Variants in SLC16A7 observed in about 807,000 individuals in gnomAD.
SLC16A7 encodes the protein monocarboxylate transporter 2.
In SLC16A7, 33 loss-of-function variants were observed where a neutral mutation model predicts 34.9. The ratio of observed to expected loss-of-function variants is 0.94; its 90% CI spans 0.72 to 1.26. The LOEUF is 1.26. Ranked by LOEUF, SLC16A7 falls within the 50% of genes most tolerant of loss-of-function variation. The pLI is 0.00. For synonymous variants in SLC16A7, 201 were observed against 206.6 expected (o/e 0.97, Z 0.23); for missense variants, 573 against 578.1 (o/e 0.99, Z 0.09).
At chr12:59,625,322 C>T (rs563249735) in intron 1 of SLC16A7, among the ~76,000 whole-genome samples, 1 of 151,826 alleles carries the variant, frequency 6.6e-6, no homozygotes, top group Admixed American at 6.6e-5. Context: ...TCAACTGATG[C>T]AGTCTCTCTG....
intron 2 of SLC16A7, among the ~76,000 whole-genome samples, chr12:59,685,390 G>T (rs1871075979): frequency 6.6e-6 from 1 of 152,106 alleles, no homozygotes. Context: ...TTTCAGCTTT[G>T]CCTCTTACAT....
At chr12:59,779,304 G>A in intron 5 of SLC16A7, 119 bp from the exon 6 acceptor site, 1 of 770,050 alleles carries the variant, frequency 1.3e-6, no homozygotes, top group Non-Finnish European at 2.0e-6. Flanking sequence ...TATTTTTAAA[G>A]TCTTATTTGA....
In SLC16A7 at chr12:59,783,830, TTTTTGTTTTGTTTTG is replaced by T. The variant is rs560910245; in HGVS notation, c.*4166_*4180del. 2 of 152,230 alleles carry T rather than the reference TTTTTGTTTTGTTTTG, an allele frequency of 1.3e-5. No individual in the cohort carries two copies. The highest frequency in any genetic ancestry group is 6.6e-5 in the Admixed American group (1 of 15,264). 9.4% of individuals were successfully genotyped at this position (152,230 alleles called of 1,614,324 possible). ...CCATGCCCGGCTAATTTTGTGGCTTTTTTTGTTTTGTTTTGTTTTGTTTTGTTTTAGTAGAGATGG... is the reference window on the plus strand; with the variant it reads ...CCATGCCCGGCTAATTTTGTGGCTTTTTTTGTTTTGTTTTAGTAGAGATGG... On this transcript the variant is annotated 3_prime_UTR_variant, in exon 6 of 6. Coordinates refer to ENST00000547379, the MANE Select transcript of SLC16A7 (RefSeq NM_001270623.2).
intron 1 of SLC16A7, among the ~76,000 whole-genome samples, chr12:59,628,743 C>T (rs1010380101): frequency 6.6e-6 from 1 of 151,714 alleles, no homozygotes; most frequent in Non-Finnish European, 1.5e-5. Context: ...TTCTTAATTA[C>T]TGACTAAATA....
chr12:59,604,874 T>C (rs1465905103), intron 1 of SLC16A7, among the ~76,000 whole-genome samples: 1 of 152,036 alleles, frequency 6.6e-6, no homozygotes, highest in Non-Finnish European at 1.5e-5. Context: ...TGAGACGGAG[T>C]CTCACTCTGT....
At chr12:59,725,405 C>G (rs1473401887) in intron 3 of SLC16A7, among the ~76,000 whole-genome samples, 1 of 152,030 alleles carries the variant, frequency 6.6e-6, no homozygotes, top group African/African-American at 2.4e-5. Flanking sequence ...GTGTCTGCTT[C>G]CAACTTCCAG....
chr12:59,664,097 C>G (rs1008701297), intron 2 of SLC16A7, among the ~76,000 whole-genome samples: 1 of 151,970 alleles, frequency 6.6e-6, no homozygotes, highest in Admixed American at 6.6e-5. Context: ...TATTTTACAG[C>G]TATATGGCCT....
At chr12:59,768,373 G>A (rs1881891826) in intron 3 of SLC16A7, 1 of 313,732 alleles carries the variant, frequency 3.2e-6, no homozygotes. Context: ...AGAATTAGAA[G>A]TGGAGCCTGA....
At chr12:59,687,215 G>A (rs146381520) in intron 2 of SLC16A7, among the ~76,000 whole-genome samples, 1 of 151,850 alleles carries the variant, frequency 6.6e-6, no homozygotes, top group Non-Finnish European at 1.5e-5. Context: ...AAAGCTAAGT[G>A]GGGGGTGGGG....
At chr12:59,619,253 AT>A (rs1391551950) in intron 1 of SLC16A7, among the ~76,000 whole-genome samples, 7 of 152,046 alleles carry the variant, frequency 4.6e-5, no homozygotes, top group Non-Finnish European at 1.0e-4. Context: ...AATATCATGC[AT>A]TGTATTACAC....
chr12:59,759,229 A>G (rs937644076), intron 3 of SLC16A7, among the ~76,000 whole-genome samples: 1 of 152,026 alleles, frequency 6.6e-6, no homozygotes, highest in East Asian at 1.9e-4. Flanking sequence ...TAGTTGAGTT[A>G]AAATCAATCC....
At chr12:59,601,708 G>C (rs1878693021) in intron 1 of SLC16A7, among the ~76,000 whole-genome samples, 1 of 152,196 alleles carries the variant, frequency 6.6e-6, no homozygotes, top group African/African-American at 2.4e-5. Flanking sequence ...CTGGAAATCT[G>C]AGATCAGGGT....
In SLC16A7 at chr12:59,784,295, C is replaced by A. The variant is rs960561336; in HGVS notation, c.*4616C>A. 1 of 151,862 alleles carries A rather than the reference C, an allele frequency of 6.6e-6. No individual in the cohort carries two copies. The highest frequency in any genetic ancestry group is 1.5e-5 in the Non-Finnish European group (1 of 67,954). 9.4% of individuals were successfully genotyped at this position (151,862 alleles called of 1,614,324 possible). A position where few individuals can be genotyped will look rare whatever the true frequency, so the allele number is the denominator to read the frequency against. ...CTGAGACGAGAGGGTCATTTGAGCC[C>A]AGGAAGTTGAGGCTTCAGTGAGCTA... is the stretch of plus-strand genomic sequence containing the variant. On this transcript the variant is annotated 3_prime_UTR_variant, in exon 6 of 6. Transcript: ENST00000547379.
intron 2 of SLC16A7, among the ~76,000 whole-genome samples, chr12:59,669,154 A>G (rs1234158511): frequency 6.6e-6 from 1 of 152,238 alleles, no homozygotes; most frequent in Non-Finnish European, 1.5e-5. Flanking sequence ...CAGGTTCATA[A>G]TTTATAAGTT....
intron 1 of SLC16A7, among the ~76,000 whole-genome samples, chr12:59,631,169 A>C (rs1177626878): frequency 6.6e-6 from 1 of 151,966 alleles, no homozygotes; most frequent in Non-Finnish European, 1.5e-5. Context: ...AACTGTTACT[A>C]ATAAATGGAT....
intron 3 of SLC16A7, among the ~76,000 whole-genome samples, chr12:59,706,083 G>A (rs1873533772): frequency 6.6e-6 from 1 of 152,058 alleles, no homozygotes; most frequent in Admixed American, 6.6e-5. Context: ...GCTCTCCCAA[G>A]TCAAACAACT....
intron 3 of SLC16A7, among the ~76,000 whole-genome samples, chr12:59,762,492 C>T (rs1026100016): frequency 2.0e-5 from 3 of 152,220 alleles, no homozygotes; most frequent in East Asian, 3.9e-4. Context: ...AAATTATCCA[C>T]TGACTGCAAA....
intron 2 of SLC16A7, among the ~76,000 whole-genome samples, chr12:59,697,161 G>GA (rs1293766655): frequency 6.6e-6 from 1 of 151,862 alleles, no homozygotes; most frequent in African/African-American, 2.4e-5. Context: ...CAGTACATTA[G>GA]AAAAACATGA....
At chr12:59,773,755 G>A (rs1420289278) in intron 4 of SLC16A7, among the ~76,000 whole-genome samples, 1 of 151,858 alleles carries the variant, frequency 6.6e-6, no homozygotes, top group Non-Finnish European at 1.5e-5. Context: ...AGTAGAGACG[G>A]GGTTTCACCA....
Sources: gnomAD v4.1 joint callset for allele counts (sites outside exome capture counted in the v4.1 genomes callset) on GRCh38, gnomAD v4.1.1 for gene constraint, MANE v1.5 for transcripts, NCBI Gene and HGNC (gene_info 2026-07-23, HGNC 2026-07-21) for gene names.